CLSTN2: variants seen among roughly 807,000 people sequenced by gnomAD.
The protein encoded by CLSTN2 is calsyntenin 2.
CLSTN2 carries 48 observed loss-of-function variants against 101.2 expected under a neutral mutation model. The ratio of observed to expected loss-of-function variants is 0.47; its 90% CI spans 0.38 to 0.60. The LOEUF (loss-of-function observed/expected upper bound fraction) is 0.60. CLSTN2 is among the 20% of genes least tolerant of loss of function. The probability of loss-of-function intolerance (pLI) is 0.00; values close to 1 mark genes in which losing one functional copy is unlikely to be tolerated. For missense variants in CLSTN2, 1,160 were observed against 1,238.2 expected (o/e 0.94, Z 0.95); for synonymous variants, 481 against 463.6 (o/e 1.04, Z -0.48).
intron 2 of CLSTN2, among the ~76,000 whole-genome samples, chr3:140,255,626 T>C (rs2086598104): frequency 6.6e-6 from 1 of 151,552 alleles, no homozygotes. Flanking sequence ...GGGAGGAGAG[T>C]GAGGAATGAA....
intron 1 of CLSTN2, among the ~76,000 whole-genome samples, chr3:140,165,421 A>G (rs1453910610): frequency 6.6e-6 from 1 of 152,210 alleles, no homozygotes; most frequent in Non-Finnish European, 1.5e-5. Context: ...CATGATTAGA[A>G]TGGTGCCTCC....
At chr3:140,232,982 T>C (rs904152680) in intron 2 of CLSTN2, among the ~76,000 whole-genome samples, 5 of 152,126 alleles carry the variant, frequency 3.3e-5, no homozygotes, top group Non-Finnish European at 7.4e-5. Context: ...CATGGAGAAA[T>C]CCTTAGTACC....
chr3:140,538,692 C>T (rs1435295568), intron 9 of CLSTN2, among the ~76,000 whole-genome samples: 1 of 152,168 alleles, frequency 6.6e-6, no homozygotes, highest in Non-Finnish European at 1.5e-5. Context: ...TTAATAAAGT[C>T]TGTGTTTAAA....
At chr3:140,068,342 C>A (rs2008333294) in intron 1 of CLSTN2, among the ~76,000 whole-genome samples, 1 of 152,180 alleles carries the variant, frequency 6.6e-6, no homozygotes, top group Admixed American at 6.5e-5. Context: ...CAAACAGACT[C>A]AATGAACCCT....
intron 8 of CLSTN2, among the ~76,000 whole-genome samples, chr3:140,519,436 T>A (rs1934982843): frequency 6.6e-6 from 1 of 152,218 alleles, no homozygotes; most frequent in Non-Finnish European, 1.5e-5. Context: ...CTATTATTGT[T>A]AAAATCTCTC....
chr3:139,983,294 T>C (rs1935965008), intron 1 of CLSTN2, among the ~76,000 whole-genome samples: 3 of 152,108 alleles, frequency 2.0e-5, no homozygotes, highest in African/African-American at 7.2e-5. Flanking sequence ...GAAAAAAAGA[T>C]GGGAAGGATG....
intron 1 of CLSTN2, among the ~76,000 whole-genome samples, chr3:140,063,312 A>T (rs1418524507): frequency 1.3e-5 from 2 of 152,196 alleles, no homozygotes; most frequent in East Asian, 3.9e-4. Flanking sequence ...ACCCTGGGCT[A>T]GATGGTATTG....
chr3:139,939,010 A>G (rs1935077712), intron 1 of CLSTN2, among the ~76,000 whole-genome samples: 1 of 151,758 alleles, frequency 6.6e-6, no homozygotes, highest in Non-Finnish European at 1.5e-5. Context: ...TTAGTTGGAG[A>G]GACAAGATTT....
intron 1 of CLSTN2, among the ~76,000 whole-genome samples, chr3:140,065,431 G>A (rs2008283083): frequency 6.6e-6 from 1 of 152,196 alleles, no homozygotes; most frequent in Non-Finnish European, 1.5e-5. Context: ...TTGTTCAAAT[G>A]CAATTTTAAC....
At chr3:140,093,179 G>T (rs553085465) in intron 1 of CLSTN2, among the ~76,000 whole-genome samples, 1 of 152,150 alleles carries the variant, frequency 6.6e-6, no homozygotes, top group Non-Finnish European at 1.5e-5. Flanking sequence ...CCTTGGGTGC[G>T]GTGGGGCAGG....
At chr3:140,055,705 C>A (rs908549465) in intron 1 of CLSTN2, among the ~76,000 whole-genome samples, 1 of 152,150 alleles carries the variant, frequency 6.6e-6, no homozygotes, top group African/African-American at 2.4e-5. Context: ...ACAACAACAA[C>A]AAAAACTCAA....
At chr3:140,465,052 C>T (rs995131855) in intron 7 of CLSTN2, among the ~76,000 whole-genome samples, 14 of 152,322 alleles carry the variant, frequency 9.2e-5, no homozygotes, top group African/African-American at 3.4e-4. Context: ...CACATTTCCT[C>T]ATTGTATCAA....
intron 10 of CLSTN2, among the ~76,000 whole-genome samples, chr3:140,555,921 G>T (rs1210901304): frequency 3.9e-5 from 6 of 152,212 alleles, no homozygotes; most frequent in African/African-American, 1.4e-4. Flanking sequence ...ACCCAGGGCT[G>T]CTGGCAGATG....
chr3:139,955,112 C>CTATTTATATATATATATATA (rs1553785580), intron 1 of CLSTN2, among the ~76,000 whole-genome samples: 1 of 71,504 alleles, frequency 1.4e-5, no homozygotes, highest in Non-Finnish European at 2.5e-5. Context: ...GGCAATATTG[C>CTATTTATATATATATATATA]TATATATATA....
At chr3:140,056,423 C>T (rs1036869313) in intron 1 of CLSTN2, among the ~76,000 whole-genome samples, 2 of 152,224 alleles carry the variant, frequency 1.3e-5, no homozygotes, top group Non-Finnish European at 2.9e-5. Context: ...CTGTCATAAA[C>T]CATGCCCCAC....
chr3:140,243,713 T>C (rs1389308326), intron 2 of CLSTN2, among the ~76,000 whole-genome samples: 1 of 152,232 alleles, frequency 6.6e-6, no homozygotes, highest in African/African-American at 2.4e-5. Flanking sequence ...GTGAAGTCCA[T>C]GGGCTAGCAG....
At chr3:140,164,018 A>T (rs572629060) in intron 1 of CLSTN2, among the ~76,000 whole-genome samples, 39 of 152,252 alleles carry the variant, frequency 2.6e-4, no homozygotes, top group Admixed American at 1.8e-3. Flanking sequence ...TGAAGTAATA[A>T]CAATCTTGGA....
At chr3:140,149,979 G>A (rs942176796) in intron 1 of CLSTN2, among the ~76,000 whole-genome samples, 43 of 152,258 alleles carry the variant, frequency 2.8e-4, no homozygotes, top group African/African-American at 1.0e-3. Context: ...GGCAGGGAGA[G>A]GAGAGTGAGG....
At chr3:140,068,124 C>A (rs1326475106) in intron 1 of CLSTN2, among the ~76,000 whole-genome samples, 2 of 152,156 alleles carry the variant, frequency 1.3e-5, no homozygotes, top group African/African-American at 4.8e-5. Context: ...TGGGCAGAGC[C>A]AGACTTGATT....
Sources: allele counts gnomAD v4.1 joint callset (sites outside exome capture counted in the v4.1 genomes callset), GRCh38; gene constraint gnomAD v4.1.1; transcripts MANE v1.5; gene names NCBI Gene and HGNC (gene_info 2026-07-23, HGNC 2026-07-21).